NUTM1: variants seen among roughly 807,000 people sequenced by gnomAD.
NUTM1 encodes the protein NUT family member 1.
In NUTM1, 39 loss-of-function variants were observed where a neutral mutation model predicts 88.7. The ratio of observed to expected loss-of-function variants is 0.44; its 90% CI spans 0.34 to 0.57. The LOEUF (loss-of-function observed/expected upper bound fraction) is 0.57. NUTM1 is among the 20% of genes least tolerant of loss of function. NUTM1 has a pLI of 0.01. For missense variants in NUTM1, 1,350 were observed against 1,414.5 expected, an observed-to-expected ratio of 0.95 and a Z score of 0.73; for synonymous variants, 494 against 538.0, an observed-to-expected ratio of 0.92 and a Z score of 1.13.
chr15:34,348,344 C>G lies in NUTM1; in HGVS notation c.476C>G (p.Pro159Arg). ...TPCGGLEGPA[P>R]PFVTASNVKT... Reference sequence around the variant, plus strand: ...TGTGGAGGCCTTGAGGGTCCTGCACCTCCATTTGTGACAGCATCTAATGTG... The same window carrying G: ...TGTGGAGGCCTTGAGGGTCCTGCACGTCCATTTGTGACAGCATCTAATGTG... The change falls in exon 3 of 8, where the codon CCT becomes CGT. Residue 159 changes from proline (P) to arginine (R), a missense_variant. By Grantham distance (103) the Pro-to-Arg change is moderately radical. Transcript: ENST00000537011. The G allele has an allele frequency of 6.2e-7, 1 of 1,614,246 alleles. No homozygotes were observed. Among genetic ancestry groups the G allele is most frequent in the Non-Finnish European group, 8.5e-7 (1 of 1,180,036 alleles).
chr15:34,344,077 C>G (rs948763069), intron 1 of NUTM1, among the ~76,000 whole-genome samples: 1 of 150,738 alleles, frequency 6.6e-6, no homozygotes, highest in African/African-American at 2.4e-5. Flanking sequence ...GAAAAATTAG[C>G]CGGGCGTGGT....
rs769469236 is a variant in NUTM1 at position 34,348,636 on chromosome 15, A to G, written c.768A>G (p.Leu256=). 1.2e-6 allele frequency: 2 copies of G among 1,608,754 alleles called. No individual in the cohort carries two copies. The highest frequency in any genetic ancestry group is 1.7e-6 in the Non-Finnish European group (2 of 1,179,882). ...ACAAAGCCTTGGCCCGGAGGCACCT[A>G]TCCCAGAGTCCTGACACAGAAGCTC... ...QRYKALARRH[L]SQSPDTEALS... Residue 256 remains leucine (L), a synonymous_variant, in exon 3 of 8, where the codon CTA becomes CTG. Coordinates refer to ENST00000537011, the MANE Select transcript of NUTM1 (RefSeq NM_001284292.2).
At chr15:34,354,113 A>T (rs1184936144) in intron 5 of NUTM1, among the ~76,000 whole-genome samples, 2 of 152,106 alleles carry the variant, frequency 1.3e-5, no homozygotes, top group Non-Finnish European at 2.9e-5. Context: ...CTCTAAATTC[A>T]GCACATAATA....
Position 34,348,411 on chromosome 15 carries a change from G to T in NUTM1, c.543G>T (p.Glu181Asp), listed in dbSNP as rs1395603713. The T allele has an allele frequency of 3.7e-6, 6 of 1,614,182 alleles. No homozygotes were observed. Among genetic ancestry groups the T allele is most frequent in the Non-Finnish European group, 4.2e-6 (5 of 1,179,998 alleles). Residue 181 changes from glutamate (E) to aspartate (D), a missense_variant, in exon 3 of 8, where the codon GAG becomes GAT. Coordinates refer to ENST00000537011, the MANE Select transcript of NUTM1 (RefSeq NM_001284292.2). Reference sequence around the variant, plus strand: ...CTAAGGCTGTTGGTGTCAGCCAGGAGGGTCCTCCAGGCCTTCCGCCTCAGC... The same window carrying T: ...CTAAGGCTGTTGGTGTCAGCCAGGATGGTCCTCCAGGCCTTCCGCCTCAGC... ...LPSKAVGVSQ[E>D]GPPGLPPQPP...
intron 2 of NUTM1, among the ~76,000 whole-genome samples, chr15:34,347,361 G>T (rs145257141): frequency 1.3e-5 from 2 of 151,678 alleles, no homozygotes; most frequent in African/African-American, 2.4e-5. Context: ...GGGCTCAAGC[G>T]ATCCTCCCAC....
chr15:34,348,772 G>C lies in NUTM1; in HGVS notation c.809+95G>C, dbSNP rs923826470. On this transcript the variant is annotated intron_variant, in intron 3 of 7. Coordinates refer to ENST00000537011, the MANE Select transcript of NUTM1 (RefSeq NM_001284292.2). ...TAGTTTAGGCTGTTTAGGACTACTT[G>C]AGGGAAGGTCATGAGGGCAAGGGAG... 2.7e-5 allele frequency: 22 copies of C among 809,866 alleles called. 1 individual carries two copies. Among genetic ancestry groups the C allele is most frequent in the African/African-American group, 2.2e-4 (13 of 58,348 alleles). 50.2% of individuals were successfully genotyped at this position (809,866 alleles called of 1,614,324 possible).
At position 34,347,681 on chromosome 15, in the gene NUTM1, G is replaced by A. The variant is rs534137746; in HGVS notation, c.101-288G>A. On this transcript the variant is annotated intron_variant, in intron 2 of 7. Transcript: ENST00000537011. ...AACCTGGCTAACACGGTGAAACCCCGTCTCTATTAAAAATACAAAAAGTTA... is the reference window on the plus strand; with the variant it reads ...AACCTGGCTAACACGGTGAAACCCCATCTCTATTAAAAATACAAAAAGTTA... 1.2e-4 allele frequency among the ~76,000 whole-genome samples: 18 copies of A among 152,136 alleles called. No individual in the cohort carries two copies. In the East Asian group the frequency reaches 1.6e-3, roughly 13 times the overall value.
chr15:34,348,943 T>C (rs2140154412), intron 3 of NUTM1, among the ~76,000 whole-genome samples: 1 of 152,296 alleles, frequency 6.6e-6, no homozygotes, highest in East Asian at 1.9e-4. Context: ...TAATCTTCAT[T>C]TACAGATAAG....
At chr15:34,346,352 T>A (rs1284889883) in intron 2 of NUTM1, among the ~76,000 whole-genome samples, 1 of 151,610 alleles carries the variant, frequency 6.6e-6, no homozygotes, top group Non-Finnish European at 1.5e-5. Flanking sequence ...GGGGTATGTG[T>A]CTTAGGACTG....
chr15:34,355,001 C>G lies in NUTM1; in HGVS notation c.1363-20C>G, dbSNP rs755133537. 2 of 1,575,504 alleles carry G rather than the reference C, an allele frequency of 1.3e-6. No homozygotes were observed. Among genetic ancestry groups the G allele is most frequent in the Non-Finnish European group, 1.7e-6 (2 of 1,145,038 alleles). On this transcript the variant is annotated intron_variant, in intron 6 of 7. Coordinates refer to ENST00000537011, the MANE Select transcript of NUTM1 (RefSeq NM_001284292.2). This position sits in a 1 kb window ranked among gnomAD's most constrained non-coding sequence, Gnocchi z 4.3. ...GTTACCTGCTTACAGACTTACATCG[C>G]TTTTCCTTCTGTTATCCAGGTGGAG...
intron 2 of NUTM1, among the ~76,000 whole-genome samples, chr15:34,347,358 A>G (rs1283923036): frequency 1.3e-5 from 2 of 152,038 alleles, no homozygotes; most frequent in Non-Finnish European, 2.9e-5. Flanking sequence ...CTTGGGCTCA[A>G]GCGATCCTCC....
In NUTM1 at chr15:34,357,378, G is replaced by T. The variant is rs763770018; in HGVS notation, c.3370G>T (p.Val1124Phe). Residue 1124 changes from valine to phenylalanine, a missense_variant, in exon 8 of 8, where the codon GTC (valine) becomes TTC (phenylalanine). Val to Phe is a conservative substitution (Grantham distance 50). Transcript: ENST00000537011. ...ACCCCACTCAGGAGCTCAACTTGGG[G>T]TCCCCAGGGAGAAACCCCTAGCTCT... ...KTPHSGAQLG[V>F]PREKPLALGV... The T allele has an allele frequency of 6.2e-7, 1 of 1,614,200 alleles. No homozygotes were observed.
In NUTM1 at chr15:34,357,034, A is replaced by G; in HGVS notation, c.3026A>G (p.Asn1009Ser). ...GSTLPRRGTR[N>S]AIVPRETSVS... ...ACTTTGCCTAGAAGGGGAACCAGGAATGCCATAGTTCCGAGAGAAACTTCT... is the reference window on the plus strand; with the variant it reads ...ACTTTGCCTAGAAGGGGAACCAGGAGTGCCATAGTTCCGAGAGAAACTTCT... The change falls in exon 8 of 8, where the codon AAT becomes AGT. Residue 1009 changes from asparagine (N) to serine (S), a missense_variant. Asn to Ser is a conservative substitution (Grantham distance 46). Around this residue, in one of 5 missense-constraint regions of NUTM1, gnomAD observed 730 missense variants for 728.8 expected, o/e 1.00. Transcript: ENST00000537011. 6.2e-7 allele frequency: 1 copy of G among 1,614,068 alleles called. No homozygotes were observed. Among genetic ancestry groups the G allele is most frequent in the Non-Finnish European group, 8.5e-7 (1 of 1,180,014 alleles).
chr15:34,357,229 A>C lies in NUTM1; in HGVS notation c.3221A>C (p.Gln1074Pro), dbSNP rs148596153. Residue 1074 changes from glutamine to proline, a missense_variant, in exon 8 of 8, where the codon CAG (glutamine) becomes CCG (proline). Coordinates refer to ENST00000537011, the MANE Select transcript of NUTM1 (RefSeq NM_001284292.2). ...PLSPHHASGG[Q>P]GSQRASHLLP... ...AGTCCTCACCATGCCTCAGGAGGTC[A>C]GGGCAGCCAGAGAGCATCCCACCTG... is the stretch of plus-strand genomic sequence containing the variant. 6.2e-7 allele frequency: 1 copy of C among 1,614,038 alleles called. No individual in the cohort carries two copies. The highest frequency in any genetic ancestry group is 8.5e-7 in the Non-Finnish European group (1 of 1,180,038).
At chr15:34,351,896 C>T (rs1311091562) in intron 4 of NUTM1, among the ~76,000 whole-genome samples, 2 of 128,624 alleles carry the variant, frequency 1.6e-5, no homozygotes, top group Non-Finnish European at 3.3e-5. Flanking sequence ...AAAGGCTAGG[C>T]GTGGTGGCTC....
rs139578058 is a variant in NUTM1, at chr15:34,356,201, G to C, written c.2193G>C (p.Gln731His). The C allele has an allele frequency of 6.2e-7, 1 of 1,608,210 alleles. No individual in the cohort carries two copies. The highest frequency in any genetic ancestry group is 1.3e-5 in the African/African-American group (1 of 74,808). Reference sequence around the variant, plus strand: ...CCCCCATGGCTCAGAGTTATGATCAGAATCCTTCCCCTAGAGCAGCTGGGG... The same window carrying C: ...CCCCCATGGCTCAGAGTTATGATCACAATCCTTCCCCTAGAGCAGCTGGGG... ...RGTPMAQSYD[Q>H]NPSPRAAGER... is the part of the protein sequence containing the mutation. Residue 731 changes from glutamine (Q) to histidine (H), a missense_variant, in exon 8 of 8, where the codon CAG (glutamine) becomes CAC (histidine). Physicochemically the swap from Gln to His is conservative, Grantham distance 24. This residue lies in a region of NUTM1 where 730 missense variants were observed against 728.8 expected (regional missense o/e 1.00). Coordinates refer to ENST00000537011, the MANE Select transcript of NUTM1 (RefSeq NM_001284292.2).
chr15:34,348,144 T>G lies in NUTM1; in HGVS notation c.276T>G (p.Ser92=). ...CTCCAGACAACCCTCTGATGCTCTC[T>G]GCTTTCCCCAGCTCACTGTTGGTGA... The part of the protein sequence containing the change: ...VFSPDNPLML[S]AFPSSLLVTG... Residue 92 remains serine (S), a synonymous_variant, in exon 3 of 8, where the codon TCT becomes TCG. Coordinates refer to ENST00000537011, the MANE Select transcript of NUTM1 (RefSeq NM_001284292.2). The G allele has an allele frequency of 6.2e-7, 1 of 1,614,204 alleles. No individual in the cohort carries two copies. Among genetic ancestry groups the G allele is most frequent in the Non-Finnish European group, 8.5e-7 (1 of 1,180,044 alleles).
chr15:34,353,913 C>G (rs760966696), intron 5 of NUTM1, 41 bp downstream of exon 5: 4 of 1,608,906 alleles, frequency 2.5e-6, no homozygotes, highest in South Asian at 1.1e-5. Context: ...GGGCCAAAGG[C>G]TCAAAGGGAT....
At position 34,356,655 on chromosome 15, in the gene NUTM1, A is replaced by G. The variant is rs560839012; in HGVS notation, c.2647A>G (p.Lys883Glu). The change falls in exon 8 of 8, where the codon AAA becomes GAA. Residue 883 changes from lysine to glutamate, a missense_variant. Lys to Glu is a moderately conservative substitution (Grantham distance 56). Transcript: ENST00000537011. ...TGGTGATTCCACACTGGGGTCTTCC[A>G]AAGAAACCCTTCCACCCACATGCCA... Reference protein sequence around the residue: ...ESGDSTLGSSKETLPPTCQGN... With the variant: ...ESGDSTLGSSEETLPPTCQGN... 1.9e-6 allele frequency: 3 copies of G among 1,613,880 alleles called. No homozygotes were observed. The Admixed American group carries it at 5.0e-5, about 27-fold the overall frequency.
Sources: allele counts gnomAD v4.1 joint callset (sites outside exome capture counted in the v4.1 genomes callset), GRCh38; gene constraint gnomAD v4.1.1; regional missense constraint gnomAD v4.1.1; non-coding constraint Gnocchi (gnomAD v3.1); transcripts MANE v1.5; gene names NCBI Gene and HGNC (gene_info 2026-07-23, HGNC 2026-07-21).